The following EPB41L5 variants were observed in gnomAD, a reference collection of about 807,000 sequenced individuals.
The protein encoded by EPB41L5 is band 4.1-like protein 5.
Under a neutral mutation model 106.6 loss-of-function variants are expected in EPB41L5, and 55 were observed. That is an observed-to-expected ratio of 0.52 (90% CI 0.42 to 0.65). The LOEUF (loss-of-function observed/expected upper bound fraction) is 0.65, where lower values mean the gene tolerates loss of function less well. EPB41L5 is among the 30% of genes least tolerant of loss of function. The pLI, the probability that EPB41L5 is intolerant of heterozygous loss-of-function variation, is 0.00. For missense variants in EPB41L5, 871 were observed against 882.1 expected (o/e 0.99, Z 0.16); for synonymous variants, 297 against 306.7 (o/e 0.97, Z 0.33).
chr2:120,144,083 A>C (rs1211798070), intron 19 of EPB41L5, among the ~76,000 whole-genome samples: 1 of 152,212 alleles, frequency 6.6e-6, no homozygotes, highest in African/African-American at 2.4e-5. Flanking sequence ...CAGTAGTAGT[A>C]ATAGTTATTA....
intron 16 of EPB41L5, chr2:120,104,729 A>G (rs1424540346): frequency 1.1e-6 from 1 of 935,942 alleles, no homozygotes; most frequent in African/African-American, 1.8e-5. Flanking sequence ...AAAGTGACAC[A>G]TACCTTAATT....
At chr2:120,174,578 GT>G (rs1428047552) in intron 24 of EPB41L5, among the ~76,000 whole-genome samples, 1 of 152,162 alleles carries the variant, frequency 6.6e-6, no homozygotes, top group Non-Finnish European at 1.5e-5. Context: ...TTAAGAAATG[GT>G]TAAGTGTGTG....
chr2:120,061,416 G>A (rs1013867419), intron 3 of EPB41L5, among the ~76,000 whole-genome samples: 12 of 151,524 alleles, frequency 7.9e-5, no homozygotes, highest in Admixed American at 6.6e-4. Context: ...GTAGAGACGG[G>A]GTTTCACCGT....
chr2:120,039,309 G>A (rs571863538), intron 2 of EPB41L5, among the ~76,000 whole-genome samples: 6 of 152,146 alleles, frequency 3.9e-5, no homozygotes, highest in East Asian at 1.9e-4. Flanking sequence ...TTTTTTAATG[G>A]GTATAGTGTT....
chr2:120,056,438 A>G (rs1680657948), intron 3 of EPB41L5, among the ~76,000 whole-genome samples: 1 of 151,912 alleles, frequency 6.6e-6, no homozygotes. Flanking sequence ...AGCTGGGATG[A>G]CAGGCATGCA....
intron 16 of EPB41L5, among the ~76,000 whole-genome samples, chr2:120,125,909 C>G (rs981170837): frequency 3.9e-5 from 6 of 152,118 alleles, no homozygotes; most frequent in African/African-American, 1.2e-4. Flanking sequence ...GAGAAAGACT[C>G]TATTCTGTGC....
intron 20 of EPB41L5, among the ~76,000 whole-genome samples, chr2:120,158,723 TGGAA>T (rs1687008185): frequency 6.6e-6 from 1 of 152,164 alleles, no homozygotes; most frequent in African/African-American, 2.4e-5. Context: ...AACATAGTAT[TGGAA>T]GGCCTAGCCA....
rs571695541 is a variant in EPB41L5 at position 120,107,635 on chromosome 2, C to T, written c.1337+6821C>T. Among the ~76,000 whole-genome samples the T allele has an allele frequency of 1.2e-4, 18 of 152,258 alleles. 1 individual carries two copies. The South Asian group carries it at 3.7e-3, about 32-fold the overall frequency. On this transcript the variant is annotated intron_variant, in intron 16 of 24. Coordinates refer to ENST00000263713, the MANE Select transcript of EPB41L5 (RefSeq NM_020909.4). ...CCCCCATGTATAAAATGTGATTTGT[C>T]AGATCCTTTCTAGATACTATGAATC...
At chr2:120,168,834 T>TAAAG (rs1171311717) in intron 24 of EPB41L5, among the ~76,000 whole-genome samples, 1 of 152,174 alleles carries the variant, frequency 6.6e-6, no homozygotes, top group Non-Finnish European at 1.5e-5. Context: ...TATCTGACAC[T>TAAAG]AAAGATAACA....
intron 16 of EPB41L5, among the ~76,000 whole-genome samples, chr2:120,113,247 T>C (rs1684800913): frequency 1.3e-5 from 2 of 152,222 alleles, no homozygotes. Context: ...TATTAGTAAG[T>C]GCACGCACAC....
intron 3 of EPB41L5, among the ~76,000 whole-genome samples, chr2:120,070,289 C>G (rs974359900): frequency 3.3e-5 from 5 of 152,000 alleles, no homozygotes; most frequent in African/African-American, 1.2e-4. Flanking sequence ...AGGAAGAAGT[C>G]AAATCCTTGA....
intron 17 of EPB41L5, among the ~76,000 whole-genome samples, chr2:120,128,875 G>A (rs1166864295): frequency 6.6e-6 from 1 of 152,124 alleles, no homozygotes; most frequent in Non-Finnish European, 1.5e-5. Flanking sequence ...TATTTCTCAT[G>A]TACTTTCTCT....
At chr2:120,106,398 T>C in intron 16 of EPB41L5, 1 of 985,258 alleles carries the variant, frequency 1.0e-6, no homozygotes, top group Non-Finnish European at 1.2e-6. Flanking sequence ...TGGATATATA[T>C]GTTGTTTCCA....
intron 3 of EPB41L5, among the ~76,000 whole-genome samples, chr2:120,048,397 A>G (rs147485200): frequency 0.016 from 2,448 of 152,170 alleles, 32 homozygotes; most frequent in Non-Finnish European, 0.028. Context: ...GGGAGGGTGT[A>G]TGTGTCCAGG....
chr2:120,135,818 C>G (rs1185237900), intron 18 of EPB41L5, among the ~76,000 whole-genome samples: 2 of 152,012 alleles, frequency 1.3e-5, no homozygotes, highest in African/African-American at 4.8e-5. Flanking sequence ...TTCACCAGAC[C>G]TGTCTTATAA....
chr2:120,126,754 ATTCTAGCTG>A, intron 16 of EPB41L5, among the ~76,000 whole-genome samples: 1 of 152,260 alleles, frequency 6.6e-6, no homozygotes, highest in Middle Eastern at 3.4e-3. Flanking sequence ...TGTTTTGGCT[ATTCTAGCTG>A]CTTTGGCTTT....
rs906038471 is a variant in EPB41L5, at chr2:120,115,802, G to A, written c.1338-11886G>A. On this transcript the variant is annotated intron_variant, in intron 16 of 24. Transcript: ENST00000263713. ...GATATGTTATGTTGTGTTATGTTACGTTACGTTACGTTATGTTATTTTTCG... is the reference window on the plus strand; with the variant it reads ...GATATGTTATGTTGTGTTATGTTACATTACGTTACGTTATGTTATTTTTCG... 2.6e-5 allele frequency among the ~76,000 whole-genome samples: 4 copies of A among 151,450 alleles called. No homozygotes were observed. The East Asian group carries it at 7.8e-4, about 30-fold the overall frequency.
rs1678101946 is a variant in EPB41L5, at chr2:120,023,679, C to T, written c.180+4415C>T. On this transcript the variant is annotated intron_variant, in intron 2 of 24. Coordinates refer to ENST00000263713, the MANE Select transcript of EPB41L5 (RefSeq NM_020909.4). ...TGGCTATACGGGCTCTTTTTCGGTT[C>T]CATATGAAATTTAAAGTAGTTTTTT... Among the ~76,000 whole-genome samples the T allele has an allele frequency of 1.3e-5, 2 of 152,062 alleles. 1 individual carries two copies. Among genetic ancestry groups the T allele is most frequent in the South Asian group, 4.1e-4 (2 of 4,822 alleles).
At chr2:120,124,107 T>C (rs770529486) in intron 16 of EPB41L5, among the ~76,000 whole-genome samples, 19 of 152,346 alleles carry the variant, frequency 1.2e-4, no homozygotes, top group Admixed American at 2.0e-4. Context: ...GCTTGCTCTT[T>C]CGTGCTTCTC....
Sources: gnomAD v4.1 joint callset for allele counts (sites outside exome capture counted in the v4.1 genomes callset) on GRCh38, gnomAD v4.1.1 for gene constraint, MANE v1.5 for transcripts, NCBI Gene and HGNC (gene_info 2026-07-23, HGNC 2026-07-21) for gene names.